The following CBFB variants were observed in gnomAD, a reference collection of about 807,000 sequenced individuals.
CBFB encodes the protein CBF-beta.
CBFB carries 9 observed loss-of-function variants against 30.4 expected under a neutral mutation model. That is an observed-to-expected ratio of 0.30 (90% CI 0.18 to 0.52). The LOEUF (loss-of-function observed/expected upper bound fraction) is 0.52, where lower values mean the gene tolerates loss of function less well. Ranked by LOEUF, CBFB falls within the 20% of genes least tolerant of loss-of-function variation. The pLI is 0.97. For synonymous variants in CBFB, 94 were observed against 84.0 expected (o/e 1.12, Z -0.65); for missense variants, 170 against 244.0 (o/e 0.70, Z 2.02).
chr16:67,090,629 T>C (rs1961855605), intron 5 of CBFB, among the ~76,000 whole-genome samples: 1 of 152,216 alleles, frequency 6.6e-6, no homozygotes, highest in Non-Finnish European at 1.5e-5. Flanking sequence ...AACTGTAATA[T>C]AGCACTCTTG....
chr16:67,064,703 G>T (rs921817166), intron 3 of CBFB, among the ~76,000 whole-genome samples: 1 of 152,064 alleles, frequency 6.6e-6, no homozygotes, highest in Admixed American at 6.5e-5. Flanking sequence ...GCCAATATGA[G>T]AATTAATTTG....
At chr16:67,048,708 G>A (rs1353771769) in intron 3 of CBFB, among the ~76,000 whole-genome samples, 1 of 151,058 alleles carries the variant, frequency 6.6e-6, no homozygotes, top group African/African-American at 2.4e-5. Flanking sequence ...CCGCCACCAC[G>A]CCTGGCTAAT....
At chr16:67,040,030 CGTACT>C (rs1034641654) in intron 3 of CBFB, among the ~76,000 whole-genome samples, 1 of 152,116 alleles carries the variant, frequency 6.6e-6, no homozygotes, top group African/African-American at 2.4e-5. Context: ...GGCAAAAACT[CGTACT>C]GTACTGTTCC....
At chr16:67,036,352 C>A (rs578171152) in intron 2 of CBFB, 38 of 310,898 alleles carry the variant, frequency 1.2e-4, no homozygotes, top group Non-Finnish European at 2.1e-4. Flanking sequence ...TCTGGTTAGA[C>A]ATTAGCAGTG....
At chr16:67,082,930 C>T (rs1158263312) in intron 5 of CBFB, among the ~76,000 whole-genome samples, 2 of 152,018 alleles carry the variant, frequency 1.3e-5, no homozygotes, top group African/African-American at 2.4e-5. Flanking sequence ...AATCTATAGC[C>T]CAATGAATTA....
intron 3 of CBFB, among the ~76,000 whole-genome samples, chr16:67,060,641 C>T (rs1960884990): frequency 1.3e-5 from 2 of 152,192 alleles, no homozygotes; most frequent in South Asian, 2.1e-4. Flanking sequence ...CTGCAACCTC[C>T]GCCTCCTGGG....
At chr16:67,060,093 A>G (rs768826949) in intron 3 of CBFB, among the ~76,000 whole-genome samples, 8 of 151,324 alleles carry the variant, frequency 5.3e-5, no homozygotes, top group Non-Finnish European at 8.8e-5. Flanking sequence ...TCCCCACCTC[A>G]GTCTGCAGAG....
At chr16:67,071,970 C>T (rs1485913725) in intron 4 of CBFB, among the ~76,000 whole-genome samples, 1 of 152,080 alleles carries the variant, frequency 6.6e-6, no homozygotes, top group African/African-American at 2.4e-5. Flanking sequence ...ACTTCCATGG[C>T]CCAACACAGC....
intron 2 of CBFB, 118 bp from the exon 3 acceptor site, chr16:67,036,521 T>G: frequency 3.2e-6 from 2 of 616,002 alleles, no homozygotes; most frequent in South Asian, 2.3e-5. Context: ...TTTTTTACTT[T>G]TAAGTATTCT....
intron 3 of CBFB, among the ~76,000 whole-genome samples, chr16:67,047,197 C>G (rs1334292652): frequency 6.6e-6 from 1 of 151,946 alleles, no homozygotes; most frequent in East Asian, 1.9e-4. Flanking sequence ...TGCCACTGCA[C>G]TGTAGCCTGG....
At chr16:67,039,657 G>A (rs1966499313) in intron 3 of CBFB, among the ~76,000 whole-genome samples, 1 of 152,148 alleles carries the variant, frequency 6.6e-6, no homozygotes, top group Non-Finnish European at 1.5e-5. Flanking sequence ...CTATTAGGAA[G>A]AGTGATAGAA....
chr16:67,056,829 G>A (rs189010125), intron 3 of CBFB, among the ~76,000 whole-genome samples: 6 of 152,052 alleles, frequency 3.9e-5, no homozygotes, highest in Admixed American at 1.3e-4. Context: ...CTACAGGTGC[G>A]TGCCACCACA....
chr16:67,045,040 C>T (rs1362474707), intron 3 of CBFB, among the ~76,000 whole-genome samples: 1 of 152,026 alleles, frequency 6.6e-6, no homozygotes, highest in African/African-American at 2.4e-5. Flanking sequence ...TTTAGATAAA[C>T]TATAATACTC....
At chr16:67,093,615 A>T (rs1308770369) in intron 5 of CBFB, 2 of 152,160 alleles carry the variant, frequency 1.3e-5, no homozygotes, top group African/African-American at 4.8e-5. Flanking sequence ...ACAGGAGAGC[A>T]ACTGGTAGTA....
chr16:67,092,755 C>T (rs887600229), intron 5 of CBFB, among the ~76,000 whole-genome samples: 1 of 118,430 alleles, frequency 8.4e-6, no homozygotes, highest in Non-Finnish European at 1.6e-5. Flanking sequence ...CTCTGCTGCC[C>T]AGGCTGGAGT....
At chr16:67,040,043 TC>T (rs1013208763) in intron 3 of CBFB, among the ~76,000 whole-genome samples, 11 of 152,328 alleles carry the variant, frequency 7.2e-5, no homozygotes, top group East Asian at 1.9e-4. Context: ...ACTGTACTGT[TC>T]CGTGCCACTG....
chr16:67,047,718 A>G (rs1364376155), intron 3 of CBFB, among the ~76,000 whole-genome samples: 5 of 152,146 alleles, frequency 3.3e-5, no homozygotes, highest in Non-Finnish European at 7.4e-5. Context: ...TATTCACACC[A>G]GCTTTTTAGT....
At chr16:67,084,995 G>A (rs530473705) in intron 5 of CBFB, among the ~76,000 whole-genome samples, 8 of 152,288 alleles carry the variant, frequency 5.3e-5, no homozygotes, top group East Asian at 1.9e-4. Flanking sequence ...CACTTTTAGC[G>A]TATGTGCCAC....
chr16:67,075,197 A>ATACGTGTGTG lies in CBFB; in HGVS notation c.400-7015_400-7014insACGTGTGTGT, dbSNP rs369475383. Reference sequence around the variant, plus strand: ...AGAGCGAGATTCTATCTCAAAAAAAATGTGTGTGTGTGTGTGTGTGTGTGT... The same window carrying ATACGTGTGTG: ...AGAGCGAGATTCTATCTCAAAAAAAATACGTGTGTGTGTGTGTGTGTGTGTGTGTGTGTGT... On this transcript the variant is annotated intron_variant, in intron 4 of 5. Coordinates refer to ENST00000412916, the MANE Select transcript of CBFB (RefSeq NM_022845.3). 1.7e-3 allele frequency among the ~76,000 whole-genome samples: 243 copies of ATACGTGTGTG among 142,766 alleles called. 1 individual carries two copies. The highest frequency in any genetic ancestry group is 5.2e-3 in the South Asian group (23 of 4,426). 93.7% of individuals were successfully genotyped at this position (142,766 alleles called of 152,430 possible). A position where few individuals can be genotyped will look rare whatever the true frequency, so the allele number is the denominator to read the frequency against.
Sources: allele counts gnomAD v4.1 joint callset (sites outside exome capture counted in the v4.1 genomes callset), GRCh38; gene constraint gnomAD v4.1.1; transcripts MANE v1.5; gene names NCBI Gene and HGNC (gene_info 2026-07-23, HGNC 2026-07-21).